Variants in CACNA2D3 observed in about 807,000 individuals in gnomAD.
CACNA2D3 encodes voltage-dependent calcium channel subunit alpha-2/delta-3.
Under a neutral mutation model 160.6 loss-of-function variants are expected in CACNA2D3, and 60 were observed. The observed-to-expected ratio is 0.37, with a 90% confidence interval of 0.30 to 0.46. The LOEUF is 0.46. Ranked by LOEUF, CACNA2D3 falls within the 20% of genes least tolerant of loss-of-function variation. The pLI, the probability that CACNA2D3 is intolerant of heterozygous loss-of-function variation, is 1.00. For synonymous variants in CACNA2D3, 558 were observed against 492.9 expected (o/e 1.13, Z -1.75); for missense variants, 1,205 against 1,365.0 (o/e 0.88, Z 1.85).
At chr3:54,211,476 G>A (rs1420884337) in intron 2 of CACNA2D3, among the ~76,000 whole-genome samples, 1 of 152,160 alleles carries the variant, frequency 6.6e-6, no homozygotes, top group African/African-American at 2.4e-5. Flanking sequence ...AGGGATAAAG[G>A]CTGTGTGTGC....
intron 13 of CACNA2D3, among the ~76,000 whole-genome samples, chr3:54,803,904 C>T (rs1364225047): frequency 6.6e-6 from 1 of 152,172 alleles, no homozygotes. Flanking sequence ...CAATATTCAA[C>T]ATTCTTAAAG....
chr3:54,580,896 C>T (rs1702665294), intron 8 of CACNA2D3, among the ~76,000 whole-genome samples: 1 of 152,144 alleles, frequency 6.6e-6, no homozygotes, highest in African/African-American at 2.4e-5. Flanking sequence ...GCAGGGGTCC[C>T]AGCATTGGAG....
chr3:54,206,544 C>CA (rs1353236903), intron 2 of CACNA2D3, among the ~76,000 whole-genome samples: 2 of 152,158 alleles, frequency 1.3e-5, no homozygotes, highest in Non-Finnish European at 2.9e-5. Flanking sequence ...CTTAAAAACT[C>CA]AAACAGTGAA....
At chr3:54,277,337 T>G (rs1276210940) in intron 2 of CACNA2D3, among the ~76,000 whole-genome samples, 1 of 152,252 alleles carries the variant, frequency 6.6e-6, no homozygotes, top group Non-Finnish European at 1.5e-5. Context: ...GTTTCAATCT[T>G]CTGCATATGG....
At chr3:54,404,106 G>C (rs1319706627) in intron 4 of CACNA2D3, among the ~76,000 whole-genome samples, 2 of 152,132 alleles carry the variant, frequency 1.3e-5, no homozygotes, top group Non-Finnish European at 2.9e-5. Context: ...CCAGAAAATA[G>C]AGCTGGAGGG....
intron 13 of CACNA2D3, among the ~76,000 whole-genome samples, chr3:54,769,507 C>G (rs1575466981): frequency 6.6e-6 from 1 of 152,108 alleles, no homozygotes; most frequent in Admixed American, 6.5e-5. Context: ...CATGCCTACT[C>G]CATATTTGCT....
At chr3:54,499,994 T>C (rs1701262890) in intron 4 of CACNA2D3, among the ~76,000 whole-genome samples, 1 of 152,202 alleles carries the variant, frequency 6.6e-6, no homozygotes, top group African/African-American at 2.4e-5. Context: ...GGCATTTAAG[T>C]CTTTAACTAT....
Position 54,766,422 on chromosome 3 carries a change from A to G in CACNA2D3, c.1380+2071A>G, listed in dbSNP as rs140163465. On this transcript the variant is annotated intron_variant, in intron 13 of 37. Transcript: ENST00000474759. ...GCAAATTAAACTATAATGAGATACC[A>G]TTTCACACCCATCAGAGTGGCAAAA... Among the ~76,000 whole-genome samples, 435 of 152,274 alleles carry G rather than the reference A, an allele frequency of 2.9e-3. 5 individuals carry two copies. The highest frequency in any genetic ancestry group is 0.01 in the African/African-American group (416 of 41,560).
chr3:54,926,753 G>A (rs1701033135), intron 27 of CACNA2D3, among the ~76,000 whole-genome samples: 1 of 152,154 alleles, frequency 6.6e-6, no homozygotes, highest in African/African-American at 2.4e-5. Context: ...CCACTCTTAT[G>A]AGGGGTAGTT....
Position 54,386,376 on chromosome 3 carries a change from A to G in CACNA2D3, c.322-339A>G, listed in dbSNP as rs79212641. Among the ~76,000 whole-genome samples the G allele has an allele frequency of 3.2e-3, 483 of 152,372 alleles. 2 individuals are homozygous for G. Among genetic ancestry groups the G allele is most frequent in the African/African-American group, 0.011 (459 of 41,580 alleles). On this transcript the variant is annotated intron_variant, in intron 3 of 37. Transcript: ENST00000474759. Reference sequence around the variant, plus strand: ...AATAAATCTTGACTAAGGGCGTTCTATACCTAAGGAATGCACTATGCTAGG... The same window carrying G: ...AATAAATCTTGACTAAGGGCGTTCTGTACCTAAGGAATGCACTATGCTAGG...
chr3:55,056,761 CAT>C (rs1704370568), intron 35 of CACNA2D3, among the ~76,000 whole-genome samples: 1 of 152,066 alleles, frequency 6.6e-6, no homozygotes, highest in Admixed American at 6.5e-5. Context: ...CAACTGAACT[CAT>C]AGAAACAGAG....
intron 18 of CACNA2D3, among the ~76,000 whole-genome samples, chr3:54,872,196 C>T (rs1309986003): frequency 6.6e-6 from 1 of 152,156 alleles, no homozygotes. Flanking sequence ...GCTTTTTCCC[C>T]ACGTAGATTC....
chr3:54,586,274 A>AAAAAG (rs1702759831), intron 9 of CACNA2D3, among the ~76,000 whole-genome samples: 1 of 151,946 alleles, frequency 6.6e-6, no homozygotes, highest in Non-Finnish European at 1.5e-5. Context: ...AAAAAAAAAA[A>AAAAAG]AAAAAAGAAA....
chr3:54,515,608 T>A (rs758245755), intron 5 of CACNA2D3, among the ~76,000 whole-genome samples: 1 of 152,152 alleles, frequency 6.6e-6, no homozygotes, highest in Non-Finnish European at 1.5e-5. Flanking sequence ...TGCAGGAGAT[T>A]GTGTTAAGTT....
intron 34 of CACNA2D3, among the ~76,000 whole-genome samples, chr3:55,015,811 A>G (rs1450344106): frequency 6.6e-6 from 1 of 152,184 alleles, no homozygotes; most frequent in Non-Finnish European, 1.5e-5. Context: ...AAGGTGTTAG[A>G]AACTCCCTGC....
intron 2 of CACNA2D3, among the ~76,000 whole-genome samples, chr3:54,301,141 C>G (rs1420284437): frequency 6.6e-6 from 1 of 151,830 alleles, no homozygotes; most frequent in East Asian, 1.9e-4. Flanking sequence ...TGTGTAGTCC[C>G]AGCTACTGAG....
At chr3:54,812,755 A>G (rs939614012) in intron 13 of CACNA2D3, among the ~76,000 whole-genome samples, 2 of 152,182 alleles carry the variant, frequency 1.3e-5, no homozygotes, top group African/African-American at 2.4e-5. Context: ...GTGGGTCCAC[A>G]CAGAGCCTTG....
chr3:54,653,528 G>T (rs1699815755), intron 11 of CACNA2D3, among the ~76,000 whole-genome samples: 1 of 152,194 alleles, frequency 6.6e-6, no homozygotes, highest in African/African-American at 2.4e-5. Flanking sequence ...ACAGGAAAAG[G>T]CATTTTCAGT....
In CACNA2D3 at chr3:55,074,390, C is replaced by CTT. The variant is rs1704904691; in HGVS notation, c.*185_*186insTT. The CTT allele has an allele frequency of 1.2e-5, 6 of 497,410 alleles. No homozygotes were observed. The highest frequency in any genetic ancestry group is 4.9e-5 in the South Asian group (2 of 40,814). The allele number at this position is 497,410 out of a possible 1,614,324, so 30.8% of individuals were successfully genotyped here. Reference sequence around the variant, plus strand: ...TAAAGATATGTTGACAAAAAGTTATCTATCATCTTTTTACTTTGCCAGTCA... The same window carrying CTT: ...TAAAGATATGTTGACAAAAAGTTATCTTTATCATCTTTTTACTTTGCCAGTCA... On this transcript the variant is annotated 3_prime_UTR_variant, in exon 38 of 38. Transcript: ENST00000474759.
Sources: allele counts gnomAD v4.1 joint callset (sites outside exome capture counted in the v4.1 genomes callset), GRCh38; gene constraint gnomAD v4.1.1; transcripts MANE v1.5; gene names NCBI Gene and HGNC (gene_info 2026-07-23, HGNC 2026-07-21).